Variants in GABRR1 observed in about 807,000 individuals in gnomAD.
The protein encoded by GABRR1 is gamma-aminobutyric acid receptor subunit rho-1.
In GABRR1, 59 loss-of-function variants were observed where a neutral mutation model predicts 55.5. That is an observed-to-expected ratio of 1.06 (90% CI 0.86 to 1.32). The LOEUF (loss-of-function observed/expected upper bound fraction) is 1.32, where lower values mean the gene tolerates loss of function less well. Among genes scored for constraint, GABRR1 ranks in the 40% most tolerant of loss-of-function variants. The pLI, the probability that GABRR1 is intolerant of heterozygous loss-of-function variation, is 0.00. For missense variants in GABRR1, 602 were observed against 619.1 expected, an observed-to-expected ratio of 0.97 and a Z score of 0.29; for synonymous variants, 213 against 226.0, an observed-to-expected ratio of 0.94 and a Z score of 0.51.
At chr6:89,197,941 T>G in intron 5 of GABRR1, 79 bp downstream of exon 5, 7 of 1,238,942 alleles carry the variant, frequency 5.6e-6, no homozygotes, top group East Asian at 2.3e-5. Flanking sequence ...AAGTAGACAT[T>G]CAGAGCCAAA....
chr6:89,188,500 A>G (rs1771982953), intron 6 of GABRR1, among the ~76,000 whole-genome samples: 1 of 152,106 alleles, frequency 6.6e-6, no homozygotes, highest in Non-Finnish European at 1.5e-5. Context: ...GCATTTTCCT[A>G]ATGATTAATG....
At chr6:89,210,875 G>C (rs1474848067) in intron 1 of GABRR1, among the ~76,000 whole-genome samples, 1 of 152,146 alleles carries the variant, frequency 6.6e-6, no homozygotes, top group Non-Finnish European at 1.5e-5. Context: ...GTGGTGGAGA[G>C]CTGCAGAAGC....
intron 5 of GABRR1, among the ~76,000 whole-genome samples, chr6:89,196,822 G>GGAAAGAAAGAAAGAAGGAAAGAAA (rs1772292522): frequency 1.1e-4 from 10 of 91,060 alleles, no homozygotes; most frequent in African/African-American, 3.4e-4. Context: ...AAGAAAAGAA[G>GGAAAGAAAGAAAGAAGGAAAGAAA]GAAAGAAAGA....
At chr6:89,210,462 A>G (rs1772800205) in intron 1 of GABRR1, among the ~76,000 whole-genome samples, 1 of 151,998 alleles carries the variant, frequency 6.6e-6, no homozygotes, top group Non-Finnish European at 1.5e-5. Context: ...TCAAAGTGCT[A>G]GGATTACAGG....
rs1772459865 is a variant in GABRR1, at chr6:89,201,184, A to G, written c.255T>C (p.Asp85=). The change falls in exon 3 of 10, where the codon GAT becomes GAC. Residue 85 remains aspartate, a synonymous_variant. Transcript: ENST00000454853. ...CTCCAAAGCCAGGCCTCATGCTGAAATCATGGTCATCTATCCTCAGAAGCT... is the reference window on the plus strand; with the variant it reads ...CTCCAAAGCCAGGCCTCATGCTGAAGTCATGGTCATCTATCCTCAGAAGCT... ...SEQLLRIDDH[D]FSMRPGFGGP... 7 of 1,614,046 alleles carry G rather than the reference A, an allele frequency of 4.3e-6. No individual in the cohort carries two copies. The East Asian group carries it at 1.6e-4, about 36-fold the overall frequency.
At chr6:89,215,086 A>T (rs1341902215) in intron 1 of GABRR1, among the ~76,000 whole-genome samples, 1 of 152,234 alleles carries the variant, frequency 6.6e-6, no homozygotes, top group South Asian at 2.1e-4. Context: ...TTGTAACACC[A>T]TTGGTGGGAA....
chr6:89,227,445 C>T (rs1195515629), intron 1 of GABRR1, among the ~76,000 whole-genome samples: 1 of 45,186 alleles, frequency 2.2e-5, no homozygotes, highest in Admixed American at 1.8e-4. Flanking sequence ...CCCATCAATA[C>T]CTAATTTATT....
upstream of GABRR1, chr6:89,217,516 T>C: frequency 2.0e-6 from 1 of 503,060 alleles, no homozygotes; most frequent in Non-Finnish European, 3.4e-6. Context: ...TCCTCCTACG[T>C]CAGATGTCAG....
intron 1 of GABRR1, among the ~76,000 whole-genome samples, chr6:89,209,263 A>AT (rs1427036448): frequency 2.0e-5 from 3 of 151,536 alleles, no homozygotes; most frequent in Admixed American, 6.6e-5. Context: ...GGGTTACTTT[A>AT]TTTTTTTTAA....
At chr6:89,224,091 G>T (rs1238238459) in intron 1 of GABRR1, among the ~76,000 whole-genome samples, 13 of 151,452 alleles carry the variant, frequency 8.6e-5, no homozygotes, top group Admixed American at 8.6e-4. Context: ...GTTTTGTTCT[G>T]TTTTGTTTTG....
At chr6:89,210,457 G>A (rs1554192365) in intron 1 of GABRR1, among the ~76,000 whole-genome samples, 1 of 152,096 alleles carries the variant, frequency 6.6e-6, no homozygotes, top group Non-Finnish European at 1.5e-5. Context: ...GCTTCTCAAA[G>A]TGCTAGGATT....
At chr6:89,181,231 G>A (rs1771708288) in intron 8 of GABRR1, among the ~76,000 whole-genome samples, 1 of 152,150 alleles carries the variant, frequency 6.6e-6, no homozygotes. Context: ...ACAGGGGATT[G>A]GGGTCATCTT....
At chr6:89,199,987 G>A (rs778176018) in intron 3 of GABRR1, among the ~76,000 whole-genome samples, 10 of 152,140 alleles carry the variant, frequency 6.6e-5, no homozygotes, top group East Asian at 5.8e-4. Flanking sequence ...TGGGCCATAC[G>A]GACTAAATAT....
Position 89,190,255 on chromosome 6 carries a change from CA to C in GABRR1, c.573-9del, listed in dbSNP as rs747137746. ...ATTGCAGTTACTGTAACCCTAGGGC[CA>C]AAAAGACAAAATTGATTTATTCAGA... On this transcript the variant is annotated splice_polypyrimidine_tract_variant and intron_variant, in intron 5 of 9. Coordinates refer to ENST00000454853, the MANE Select transcript of GABRR1 (RefSeq NM_002042.5). 6.9e-6 allele frequency: 11 copies of C among 1,587,868 alleles called. No individual in the cohort carries two copies. The highest frequency in any genetic ancestry group is 6.8e-5 in the African/African-American group (5 of 73,498).
At chr6:89,218,509 A>G (rs901559609), upstream of GABRR1, among the ~76,000 whole-genome samples, 3 of 152,240 alleles carry the variant, frequency 2.0e-5, no homozygotes, top group Non-Finnish European at 4.4e-5. Context: ...TAAATTATAT[A>G]TGATTCTCAC....
In GABRR1 at chr6:89,198,049, C is replaced by T. The variant is rs534023247; in HGVS notation, c.543G>A (p.Gln181=). The T allele has an allele frequency of 2.3e-5, 37 of 1,614,114 alleles. No homozygotes were observed. The highest frequency in any genetic ancestry group is 1.3e-4 in the East Asian group (6 of 44,868). The change falls in exon 5 of 10, where the codon CAG becomes CAA. Residue 181 remains glutamine, a synonymous_variant. Coordinates refer to ENST00000454853, the MANE Select transcript of GABRR1 (RefSeq NM_002042.5). ...GACTATAGAGCACTTTCCCATCAGG[C>T]TGGACCCGCAACATGACGTTGTCTG... ...TTTDNVMLRV[Q]PDGKVLYSLR...
chr6:89,219,404 G>T (rs558738810), upstream of GABRR1, among the ~76,000 whole-genome samples: 11 of 152,314 alleles, frequency 7.2e-5, no homozygotes, highest in East Asian at 1.7e-3. Context: ...TTCAAAGGAG[G>T]CATCTATGAT....
rs1001239769 is a variant in GABRR1, at chr6:89,191,620, C to T, written c.573-1373G>A. On this transcript the variant is annotated intron_variant, in intron 5 of 9. Coordinates refer to ENST00000454853, the MANE Select transcript of GABRR1 (RefSeq NM_002042.5). The stretch of plus-strand genomic sequence containing the variant: ...CCATATAACTTACACATAAAGCAAC[C>T]ATTTGTGATGTAATCAAAGCTCATG... 5.3e-5 allele frequency among the ~76,000 whole-genome samples: 8 copies of T among 152,154 alleles called. 1 individual carries two copies. The highest frequency in any genetic ancestry group is 1.9e-4 in the African/African-American group (8 of 41,414).
At position 89,178,150 on chromosome 6, in the gene GABRR1, T is replaced by A. The variant is rs1771599160; in HGVS notation, c.*620A>T. ...AAAATTTCACCAAAATCAGAAGCAA[T>A]TGCGCCAATCTAAAGAGCTTTTCTT... On this transcript the variant is annotated 3_prime_UTR_variant, in exon 10 of 10. Coordinates refer to ENST00000454853, the MANE Select transcript of GABRR1 (RefSeq NM_002042.5). 6.6e-6 allele frequency: 1 copy of A among 152,558 alleles called. No homozygotes were observed. The highest frequency in any genetic ancestry group is 2.4e-5 in the African/African-American group (1 of 41,442). The allele number at this position is 152,558 out of a possible 1,614,324, so 9.5% of individuals were successfully genotyped here. A position where few individuals can be genotyped will look rare whatever the true frequency, so the allele number is the denominator to read the frequency against.
Sources: gnomAD v4.1 joint callset for allele counts (sites outside exome capture counted in the v4.1 genomes callset) on GRCh38, gnomAD v4.1.1 for gene constraint, MANE v1.5 for transcripts, NCBI Gene and HGNC (gene_info 2026-07-23, HGNC 2026-07-21) for gene names.